HPCAL1: variants seen among roughly 807,000 people sequenced by gnomAD.
HPCAL1 encodes hippocalcin like 1, also known as hippocalcin-like protein 1.
A neutral mutation model predicts 17.1 loss-of-function variants in HPCAL1; 8 were observed. That is an observed-to-expected ratio of 0.47 (90% CI 0.27 to 0.84). The LOEUF (loss-of-function observed/expected upper bound fraction) is 0.84, where lower values mean the gene tolerates loss of function less well. Ranked by LOEUF, HPCAL1 falls within the 40% of genes least tolerant of loss-of-function variation. The probability of loss-of-function intolerance (pLI) is 0.13; values close to 1 mark genes in which losing one functional copy is unlikely to be tolerated. For missense variants in HPCAL1, 165 were observed against 271.1 expected, an observed-to-expected ratio of 0.61 and a Z score of 2.75; for synonymous variants, 112 against 111.4, an observed-to-expected ratio of 1.01 and a Z score of -0.03.
At chr2:10,352,969 C>G (rs758143419) in intron 1 of HPCAL1, among the ~76,000 whole-genome samples, 1 of 152,186 alleles carries the variant, frequency 6.6e-6, no homozygotes, top group Non-Finnish European at 1.5e-5. Flanking sequence ...GGTCACTGAA[C>G]GAGAAGACTC....
chr2:10,423,326 C>G, intron 4 of HPCAL1: 2 of 531,028 alleles, frequency 3.8e-6, no homozygotes, highest in Non-Finnish European at 6.9e-6. Flanking sequence ...CCTCTCTGAG[C>G]CACTGTCTCC....
intron 1 of HPCAL1, among the ~76,000 whole-genome samples, chr2:10,339,405 A>G (rs1160536798): frequency 2.0e-5 from 3 of 151,894 alleles, no homozygotes; most frequent in Non-Finnish European, 2.9e-5. Flanking sequence ...TCCCGGGTTT[A>G]AGCAATTCTC....
intron 1 of HPCAL1, among the ~76,000 whole-genome samples, chr2:10,378,236 T>G (rs1450141580): frequency 3.3e-5 from 5 of 150,356 alleles, no homozygotes; most frequent in East Asian, 1.9e-4. Context: ...TTTTTTTTTT[T>G]TTTTTTTTTT....
chr2:10,396,525 G>A (rs960360924), intron 1 of HPCAL1, among the ~76,000 whole-genome samples: 9 of 152,200 alleles, frequency 5.9e-5, no homozygotes, highest in Admixed American at 3.3e-4. Flanking sequence ...AGAGGTCCCG[G>A]CCACACTTAG....
intron 1 of HPCAL1, among the ~76,000 whole-genome samples, chr2:10,327,162 T>C (rs1008529773): frequency 6.6e-6 from 1 of 152,204 alleles, no homozygotes; most frequent in African/African-American, 2.4e-5. Context: ...CTACTGGGAA[T>C]CCAGCTTCAC....
At chr2:10,399,529 CTGCCACCGCCACCAT>C (rs1669426134) in intron 2 of HPCAL1, among the ~76,000 whole-genome samples, 1 of 101,736 alleles carries the variant, frequency 9.8e-6, no homozygotes, top group Non-Finnish European at 2.0e-5. Flanking sequence ...ACCACCGCCA[CTGCCACCGCCACCAT>C]CACCGCCACC....
intron 1 of HPCAL1, among the ~76,000 whole-genome samples, chr2:10,321,397 G>A (rs569683455): frequency 3.3e-4 from 50 of 152,018 alleles, no homozygotes; most frequent in African/African-American, 1.1e-3. Flanking sequence ...CATCCAAGCC[G>A]TATCAGTGAG....
At chr2:10,424,227 G>A (rs1277450615) in intron 4 of HPCAL1, 1 of 329,142 alleles carries the variant, frequency 3.0e-6, no homozygotes, top group Non-Finnish European at 6.1e-6. Context: ...GAGACGGGAT[G>A]TGGGGGAGCT....
intron 1 of HPCAL1, among the ~76,000 whole-genome samples, chr2:10,314,417 G>A (rs1000220466): frequency 5.9e-5 from 9 of 152,250 alleles, no homozygotes; most frequent in African/African-American, 2.2e-4. Context: ...AGGAGGCTGA[G>A]ATTAAGAAGA....
At chr2:10,409,976 G>T (rs569151419) in intron 2 of HPCAL1, among the ~76,000 whole-genome samples, 5 of 151,886 alleles carry the variant, frequency 3.3e-5, no homozygotes, top group Non-Finnish European at 7.4e-5. Flanking sequence ...ATTTTTAGTA[G>T]GGACGGTTTC....
chr2:10,323,518 G>A lies in HPCAL1; in HGVS notation c.-111+20341G>A, dbSNP rs1663805121. On this transcript the variant is annotated intron_variant, in intron 1 of 4. Transcript: ENST00000307845. This position sits in a 1 kb window ranked among gnomAD's most constrained non-coding sequence, Gnocchi z 4.6. ...TTGCTGAAGACAATGGGTGACTGAG[G>A]CAGTTACAGGTGTCAGCCCCAGATG... Among the ~76,000 whole-genome samples the A allele has an allele frequency of 6.6e-6, 1 of 152,200 alleles. No individual in the cohort carries two copies. Among genetic ancestry groups the A allele is most frequent in the Admixed American group, 6.5e-5 (1 of 15,280 alleles).
intron 1 of HPCAL1, among the ~76,000 whole-genome samples, chr2:10,391,188 A>G (rs1668669374): frequency 6.6e-6 from 1 of 152,086 alleles, no homozygotes; most frequent in Non-Finnish European, 1.5e-5. Flanking sequence ...GCTCAGCTCC[A>G]GCACCTTCCT....
intron 2 of HPCAL1, among the ~76,000 whole-genome samples, chr2:10,400,897 G>A (rs1022487174): frequency 6.6e-6 from 1 of 152,224 alleles, no homozygotes; most frequent in Non-Finnish European, 1.5e-5. Context: ...GGTGCCTGGC[G>A]GGGGAATCCT....
intron 1 of HPCAL1, among the ~76,000 whole-genome samples, chr2:10,346,072 C>CTG (rs141960155): frequency 1.3e-4 from 20 of 151,140 alleles, no homozygotes; most frequent in African/African-American, 2.4e-4. Flanking sequence ...GAGAGCCAGG[C>CTG]TGTGTGTGTG....
rs549548867 is a variant in HPCAL1 at position 10,336,407 on chromosome 2, G to A, written c.-111+33230G>A. On this transcript the variant is annotated intron_variant, in intron 1 of 4. Transcript: ENST00000307845. ...CAGCGTATTGAGAATGTTCTTCTAT[G>A]CCAATGTATACATCATTTTATTGAC... 4.6e-5 allele frequency among the ~76,000 whole-genome samples: 7 copies of A among 152,272 alleles called. No homozygotes were observed. The South Asian group carries it at 1.5e-3, about 32-fold the overall frequency.
intron 2 of HPCAL1, among the ~76,000 whole-genome samples, chr2:10,398,443 C>T (rs1322463936): frequency 6.6e-6 from 1 of 152,228 alleles, no homozygotes; most frequent in Non-Finnish European, 1.5e-5. Context: ...GGACCCAAAA[C>T]CTGTTAAAGC....
intron 1 of HPCAL1, among the ~76,000 whole-genome samples, chr2:10,338,170 G>A (rs1362150946): frequency 6.6e-6 from 1 of 152,096 alleles, no homozygotes; most frequent in Non-Finnish European, 1.5e-5. Flanking sequence ...GTGATTGCAG[G>A]GAGTGGGGAG....
intron 1 of HPCAL1, among the ~76,000 whole-genome samples, chr2:10,305,141 G>A (rs529766558): frequency 6.6e-6 from 1 of 152,040 alleles, no homozygotes; most frequent in African/African-American, 2.4e-5. Context: ...CCTGTTTTCT[G>A]TTTCATCAAA....
intron 1 of HPCAL1, among the ~76,000 whole-genome samples, chr2:10,382,947 TG>T (rs1205454985): frequency 6.6e-6 from 1 of 151,906 alleles, no homozygotes; most frequent in African/African-American, 2.4e-5. Flanking sequence ...AGGAGGGGAG[TG>T]GCGGCTCGCT....
Sources: allele counts gnomAD v4.1 joint callset (sites outside exome capture counted in the v4.1 genomes callset), GRCh38; gene constraint gnomAD v4.1.1; non-coding constraint Gnocchi (gnomAD v3.1); transcripts MANE v1.5; gene names NCBI Gene and HGNC (gene_info 2026-07-23, HGNC 2026-07-21).